The following BAIAP2L1 variants were observed in gnomAD, a reference collection of about 807,000 sequenced individuals.
The protein encoded by BAIAP2L1 is BAR/IMD domain containing adaptor protein 2 like 1.
A neutral mutation model predicts 66.3 loss-of-function variants in BAIAP2L1; 35 were observed. The ratio of observed to expected loss-of-function variants is 0.53; its 90% CI spans 0.40 to 0.70. The LOEUF (loss-of-function observed/expected upper bound fraction) is 0.70, where lower values mean the gene tolerates loss of function less well. BAIAP2L1 is among the 30% of genes least tolerant of loss of function. BAIAP2L1 has a pLI of 0.00. For synonymous variants in BAIAP2L1, 269 were observed against 248.7 expected (o/e 1.08, Z -0.77); for missense variants, 622 against 656.9 (o/e 0.95, Z 0.58).
intron 12 of BAIAP2L1, among the ~76,000 whole-genome samples, chr7:98,302,103 G>A (rs1383072786): frequency 6.6e-6 from 1 of 152,192 alleles, no homozygotes; most frequent in African/African-American, 2.4e-5. Context: ...AATGAAGCCA[G>A]GTCACCTTTC....
At chr7:98,400,573 G>C (rs1166610120) in intron 1 of BAIAP2L1, among the ~76,000 whole-genome samples, 1 of 117,718 alleles carries the variant, frequency 8.5e-6, no homozygotes, top group Non-Finnish European at 1.8e-5. Context: ...GGAAGGAGGA[G>C]GAAAAGTAGG....
chr7:98,386,407 C>G (rs1802891843), intron 1 of BAIAP2L1: 3 of 1,592,510 alleles, frequency 1.9e-6, no homozygotes, highest in African/African-American at 2.7e-5. Context: ...TTGAGACCAT[C>G]AGATGCAATT....
At chr7:98,303,614 C>A (rs992972300) in intron 12 of BAIAP2L1, among the ~76,000 whole-genome samples, 9 of 152,154 alleles carry the variant, frequency 5.9e-5, no homozygotes, top group African/African-American at 1.9e-4. Context: ...GCTGGAGAGC[C>A]CACACCAGGG....
intron 10 of BAIAP2L1, chr7:98,306,861 C>G (rs1343527095): frequency 3.8e-6 from 1 of 262,004 alleles, no homozygotes; most frequent in Non-Finnish European, 7.4e-6. Flanking sequence ...TGTGCACCAC[C>G]ATGCCTAGCT....
chr7:98,378,643 GT>G (rs879884827), intron 1 of BAIAP2L1, among the ~76,000 whole-genome samples: 34 of 147,546 alleles, frequency 2.3e-4, no homozygotes, highest in South Asian at 4.3e-4. Flanking sequence ...GGCTAGGGAT[GT>G]TTTTTTTTTT....
intron 1 of BAIAP2L1, among the ~76,000 whole-genome samples, chr7:98,393,132 CACACAT>C (rs1803102478): frequency 1.4e-5 from 1 of 71,908 alleles, no homozygotes; most frequent in Admixed American, 1.4e-4. Flanking sequence ...TGTATATATA[CACACAT>C]ATGTGTACAT....
chr7:98,325,743 A>T (rs1562974348), intron 3 of BAIAP2L1, among the ~76,000 whole-genome samples: 1 of 152,222 alleles, frequency 6.6e-6, no homozygotes, highest in Non-Finnish European at 1.5e-5. Flanking sequence ...TTTTTCTGAC[A>T]ATTTTCCAAG....
At chr7:98,297,567 A>T (rs550730868) in intron 12 of BAIAP2L1, among the ~76,000 whole-genome samples, 2 of 152,140 alleles carry the variant, frequency 1.3e-5, no homozygotes, top group South Asian at 4.1e-4. Flanking sequence ...CCTCACTGAC[A>T]CCTGTCTTCA....
chr7:98,382,003 G>C (rs1327278732), intron 1 of BAIAP2L1, among the ~76,000 whole-genome samples: 1 of 147,834 alleles, frequency 6.8e-6, no homozygotes, highest in Non-Finnish European at 1.5e-5. Context: ...TCGGCTCACT[G>C]CAAGTTCCAC....
At chr7:98,396,131 G>A (rs1422862531) in intron 1 of BAIAP2L1, among the ~76,000 whole-genome samples, 1 of 152,028 alleles carries the variant, frequency 6.6e-6, no homozygotes, top group Non-Finnish European at 1.5e-5. Context: ...GAGTACAGTG[G>A]CACCATTTCA....
intron 1 of BAIAP2L1, among the ~76,000 whole-genome samples, chr7:98,372,209 C>T (rs537870389): frequency 1.3e-5 from 2 of 152,054 alleles, no homozygotes; most frequent in South Asian, 4.2e-4. Context: ...AGTTCGAGAC[C>T]AACCTGGGCA....
intron 12 of BAIAP2L1, among the ~76,000 whole-genome samples, chr7:98,297,613 G>T (rs568743452): frequency 6.6e-6 from 1 of 152,166 alleles, no homozygotes; most frequent in Admixed American, 6.5e-5. Flanking sequence ...TCTGTGGCCC[G>T]GACTTGTCTT....
At chr7:98,388,348 C>G (rs1045144563) in intron 1 of BAIAP2L1, among the ~76,000 whole-genome samples, 1 of 152,216 alleles carries the variant, frequency 6.6e-6, no homozygotes, top group African/African-American at 2.4e-5. Flanking sequence ...AAGAGTAAGA[C>G]TGAGTCTCTA....
At chr7:98,370,112 A>G (rs925875902) in intron 1 of BAIAP2L1, among the ~76,000 whole-genome samples, 2 of 152,120 alleles carry the variant, frequency 1.3e-5, no homozygotes, top group Non-Finnish European at 1.5e-5. Flanking sequence ...GGGGGAAAAA[A>G]AAAAGTTCAA....
chr7:98,339,231 C>A (rs907529621), intron 3 of BAIAP2L1, among the ~76,000 whole-genome samples: 23 of 152,124 alleles, frequency 1.5e-4, no homozygotes, highest in African/African-American at 5.5e-4. Context: ...ACATGCCCAC[C>A]AGCAATGGTC....
intron 12 of BAIAP2L1, among the ~76,000 whole-genome samples, chr7:98,302,698 C>A (rs541791463): frequency 8.9e-4 from 136 of 152,294 alleles, no homozygotes; most frequent in African/African-American, 3.1e-3. Context: ...AGAGGGGGGA[C>A]CTGTAGCTAG....
intron 1 of BAIAP2L1, among the ~76,000 whole-genome samples, chr7:98,379,068 ATCTGACCTCGTGG>A (rs1191856606): frequency 1.3e-5 from 2 of 151,960 alleles, no homozygotes; most frequent in African/African-American, 4.8e-5. Context: ...TGACCTCGTG[ATCTGACCTCGTGG>A]TTGGCCAGGC....
At chr7:98,323,404 CATAA>C (rs774858298) in intron 3 of BAIAP2L1, 2 of 152,184 alleles carry the variant, frequency 1.3e-5, no homozygotes, top group African/African-American at 2.4e-5. Flanking sequence ...ACTTAAAATA[CATAA>C]ATAAATAAAC....
At chr7:98,314,867 G>T (rs1283950156) in intron 7 of BAIAP2L1, among the ~76,000 whole-genome samples, 1 of 152,212 alleles carries the variant, frequency 6.6e-6, no homozygotes, top group African/African-American at 2.4e-5. Context: ...AAGCTGACTC[G>T]CAGGTGAGAA....
Sources: allele counts gnomAD v4.1 joint callset (sites outside exome capture counted in the v4.1 genomes callset), GRCh38; gene constraint gnomAD v4.1.1; transcripts MANE v1.5; gene names NCBI Gene and HGNC (gene_info 2026-07-23, HGNC 2026-07-21).